VWC2: variants seen among roughly 807,000 people sequenced by gnomAD.
The protein encoded by VWC2 is von Willebrand factor C domain containing 2, also known as brorin.
VWC2 carries 14 observed loss-of-function variants against 29.8 expected under a neutral mutation model. The ratio of observed to expected loss-of-function variants is 0.47; its 90% confidence interval spans 0.31 to 0.74. The LOEUF (loss-of-function observed/expected upper bound fraction) is 0.74. Ranked by LOEUF, VWC2 falls within the 30% of genes least tolerant of loss-of-function variation. VWC2 has a pLI of 0.05. For missense variants in VWC2, 457 were observed against 459.8 expected (o/e 0.99, Z 0.05); for synonymous variants, 213 against 199.0 (o/e 1.07, Z -0.59).
intron 2 of VWC2, among the ~76,000 whole-genome samples, chr7:49,787,238 T>C (rs1006453626): frequency 6.6e-6 from 1 of 152,194 alleles, no homozygotes; most frequent in Non-Finnish European, 1.5e-5. Context: ...AAATAAATAG[T>C]ACCTTCAACC....
At chr7:49,877,695 G>A (rs1020293023) in intron 3 of VWC2, among the ~76,000 whole-genome samples, 2 of 149,208 alleles carry the variant, frequency 1.3e-5, no homozygotes, top group African/African-American at 2.5e-5. Flanking sequence ...GGTGTCAGGA[G>A]CCCTCCCATC....
At chr7:49,805,883 G>A (rs545303879) in intron 3 of VWC2, among the ~76,000 whole-genome samples, 36 of 152,210 alleles carry the variant, frequency 2.4e-4, no homozygotes, top group African/African-American at 7.7e-4. Flanking sequence ...CTCTTTCTCC[G>A]ACAGAAGGAA....
intron 3 of VWC2, among the ~76,000 whole-genome samples, chr7:49,849,775 T>G (rs561348171): frequency 1.3e-5 from 2 of 152,306 alleles, no homozygotes; most frequent in African/African-American, 2.4e-5. Flanking sequence ...AGAGTCTGAC[T>G]TAATAAAAGT....
At chr7:49,907,419 T>G (rs1425904622) in intron 3 of VWC2, among the ~76,000 whole-genome samples, 2 of 152,174 alleles carry the variant, frequency 1.3e-5, no homozygotes, top group African/African-American at 2.4e-5. Context: ...TTACTAGGAA[T>G]GACATTTGCA....
At chr7:49,804,904 A>C (rs1788839035) in intron 3 of VWC2, among the ~76,000 whole-genome samples, 1 of 152,202 alleles carries the variant, frequency 6.6e-6, no homozygotes, top group African/African-American at 2.4e-5. Context: ...CACCAACCTG[A>C]AACCTACTGA....
At chr7:49,870,451 C>T (rs754335869) in intron 3 of VWC2, among the ~76,000 whole-genome samples, 8 of 152,110 alleles carry the variant, frequency 5.3e-5, no homozygotes, top group Non-Finnish European at 1.0e-4. Flanking sequence ...GTGGTAGATG[C>T]ATTAGTGTAT....
intron 3 of VWC2, among the ~76,000 whole-genome samples, chr7:49,878,751 G>T (rs1033793520): frequency 6.6e-6 from 1 of 152,078 alleles, no homozygotes; most frequent in South Asian, 2.1e-4. Context: ...CTGTACTGCT[G>T]ATATTTTAAT....
At chr7:49,910,089 G>A (rs1793326474) in intron 3 of VWC2, among the ~76,000 whole-genome samples, 1 of 152,016 alleles carries the variant, frequency 6.6e-6, no homozygotes, top group African/African-American at 2.4e-5. Context: ...TCCAGCCTGG[G>A]TGACAGAGCA....
At chr7:49,828,612 C>T (rs1789456686) in intron 3 of VWC2, among the ~76,000 whole-genome samples, 1 of 152,082 alleles carries the variant, frequency 6.6e-6, no homozygotes. Context: ...CTGGGCTGTG[C>T]TACTGCGTAG....
At chr7:49,800,052 A>G (rs1788703439) in intron 2 of VWC2, among the ~76,000 whole-genome samples, 1 of 152,222 alleles carries the variant, frequency 6.6e-6, no homozygotes. Context: ...TTTAATGACA[A>G]TATAACTGAC....
At chr7:49,795,562 T>A (rs1339639490) in intron 2 of VWC2, among the ~76,000 whole-genome samples, 1 of 152,222 alleles carries the variant, frequency 6.6e-6, no homozygotes, top group Non-Finnish European at 1.5e-5. Context: ...CAAATAATGA[T>A]CCCTCTCAAT....
intron 2 of VWC2, among the ~76,000 whole-genome samples, chr7:49,791,567 G>T (rs935869320): frequency 6.6e-6 from 1 of 152,114 alleles, no homozygotes; most frequent in Non-Finnish European, 1.5e-5. Context: ...AGCCTTTTGG[G>T]CAGTCAGGAA....
intron 2 of VWC2, among the ~76,000 whole-genome samples, chr7:49,789,948 G>T (rs1788427703): frequency 6.6e-6 from 1 of 152,224 alleles, no homozygotes; most frequent in African/African-American, 2.4e-5. Context: ...TGCAGAGGCG[G>T]GGGTGCAGGC....
intron 3 of VWC2, among the ~76,000 whole-genome samples, chr7:49,818,554 A>T (rs923026334): frequency 6.6e-6 from 1 of 152,032 alleles, no homozygotes; most frequent in Non-Finnish European, 1.5e-5. Context: ...CCCAAAGTGG[A>T]ACAGAGCAAC....
intron 3 of VWC2, among the ~76,000 whole-genome samples, chr7:49,868,047 T>C (rs1790987919): frequency 6.6e-6 from 1 of 152,124 alleles, no homozygotes; most frequent in Non-Finnish European, 1.5e-5. Context: ...TTGACCAGGC[T>C]GGTCTCAAAC....
intron 3 of VWC2, among the ~76,000 whole-genome samples, chr7:49,809,371 A>T (rs1215584981): frequency 6.6e-6 from 1 of 151,984 alleles, no homozygotes; most frequent in Non-Finnish European, 1.5e-5. Context: ...ACAAATTAAT[A>T]ATTAAGAGCT....
chr7:49,865,299 A>G (rs1019508927), intron 3 of VWC2, among the ~76,000 whole-genome samples: 19 of 152,330 alleles, frequency 1.2e-4, no homozygotes, highest in Middle Eastern at 3.4e-3. Context: ...GGATCAAGTA[A>G]TAGATTCTCT....
At chr7:49,891,226 G>C (rs1792114987) in intron 3 of VWC2, among the ~76,000 whole-genome samples, 1 of 152,130 alleles carries the variant, frequency 6.6e-6, no homozygotes, top group Non-Finnish European at 1.5e-5. Context: ...AGACAAAGTA[G>C]ATTTTAAGGC....
intron 3 of VWC2, among the ~76,000 whole-genome samples, chr7:49,853,974 C>T (rs1790309568): frequency 6.7e-6 from 1 of 149,962 alleles, no homozygotes; most frequent in Non-Finnish European, 1.5e-5. Context: ...GTTTGGTTTT[C>T]TGTCCCTGCG....
Sources: allele counts gnomAD v4.1 joint callset (sites outside exome capture counted in the v4.1 genomes callset), GRCh38; gene constraint gnomAD v4.1.1; transcripts MANE v1.5; gene names NCBI Gene and HGNC (gene_info 2026-07-23, HGNC 2026-07-21).